CAMK4: variants seen among roughly 807,000 people sequenced by gnomAD.
CAMK4 encodes the protein calcium/calmodulin-dependent protein kinase type IV.
In CAMK4, 22 loss-of-function variants were observed where a neutral mutation model predicts 44.9. That is an observed-to-expected ratio of 0.49 (90% CI 0.35 to 0.70). CAMK4 has a LOEUF of 0.70. CAMK4 is among the 30% of genes least tolerant of loss of function. The pLI is 0.01. For missense variants in CAMK4, 498 were observed against 586.8 expected, an observed-to-expected ratio of 0.85 and a Z score of 1.56; for synonymous variants, 218 against 215.4, an observed-to-expected ratio of 1.01 and a Z score of -0.11.
chr5:111,379,571 T>C (rs905990156), intron 4 of CAMK4, among the ~76,000 whole-genome samples: 1 of 152,150 alleles, frequency 6.6e-6, no homozygotes, highest in Non-Finnish European at 1.5e-5. Flanking sequence ...TCTTTAAATT[T>C]TATCAAGCTG....
chr5:111,298,516 T>G (rs961217259), intron 1 of CAMK4, among the ~76,000 whole-genome samples: 26 of 151,876 alleles, frequency 1.7e-4, no homozygotes, highest in Admixed American at 1.1e-3. Flanking sequence ...GGACGTAGAG[T>G]GGAGATAGGA....
chr5:111,333,625 A>G (rs1749271534), intron 1 of CAMK4, among the ~76,000 whole-genome samples: 1 of 151,582 alleles, frequency 6.6e-6, no homozygotes, highest in South Asian at 2.1e-4. Flanking sequence ...AAATGTCTGA[A>G]ATAAGAGGAG....
chr5:111,480,289 C>CA (rs70973611), intron 9 of CAMK4, among the ~76,000 whole-genome samples: 2 of 148,130 alleles, frequency 1.4e-5, no homozygotes, highest in African/African-American at 2.5e-5. Context: ...CACACACACA[C>CA]CCCTGGGTAA....
At chr5:111,399,504 G>T (rs1257299757) in intron 5 of CAMK4, among the ~76,000 whole-genome samples, 1 of 152,122 alleles carries the variant, frequency 6.6e-6, no homozygotes, top group Non-Finnish European at 1.5e-5. Flanking sequence ...TAGGAACTTT[G>T]TGCTGTTCAC....
chr5:111,349,694 C>T (rs1750013326), intron 2 of CAMK4, among the ~76,000 whole-genome samples: 1 of 151,840 alleles, frequency 6.6e-6, no homozygotes, highest in Non-Finnish European at 1.5e-5. Context: ...TATAGTTTAT[C>T]TTTCTTCCTT....
chr5:111,456,617 G>T (rs559632742), intron 7 of CAMK4, among the ~76,000 whole-genome samples: 1 of 151,846 alleles, frequency 6.6e-6, no homozygotes, highest in East Asian at 1.9e-4. Flanking sequence ...TACTAAATAT[G>T]AATGTGATAG....
At chr5:111,292,371 G>A (rs1043248130) in intron 1 of CAMK4, among the ~76,000 whole-genome samples, 1 of 152,030 alleles carries the variant, frequency 6.6e-6, no homozygotes, top group African/African-American at 2.4e-5. Context: ...AAGTATGAAT[G>A]TATGTGTACA....
chr5:111,331,601 G>A (rs1004585860), intron 1 of CAMK4, among the ~76,000 whole-genome samples: 2 of 151,576 alleles, frequency 1.3e-5, no homozygotes, highest in African/African-American at 4.8e-5. Context: ...TTTTGCCTTT[G>A]TTAGTCCCTA....
chr5:111,236,765 CT>C (rs1561353321), intron 1 of CAMK4, among the ~76,000 whole-genome samples: 2 of 152,180 alleles, frequency 1.3e-5, no homozygotes, highest in Non-Finnish European at 2.9e-5. Flanking sequence ...CAGGTGAATG[CT>C]TTGTCGTCTT....
rs537063548 is a variant in CAMK4, at chr5:111,224,830, G to A, written c.161+186G>A. Among the ~76,000 whole-genome samples the A allele has an allele frequency of 7.9e-5, 12 of 152,196 alleles. No homozygotes were observed. The highest frequency in any genetic ancestry group is 2.9e-4 in the African/African-American group (12 of 41,550). On this transcript the variant is annotated intron_variant, in intron 1 of 10. Transcript: ENST00000282356. This position sits in a 1 kb window ranked among gnomAD's most constrained non-coding sequence, Gnocchi z 5.7. ...CTCGAGTCCTTCCCACCCCACCAGA[G>A]CGCCTAGGCCGGTGCAGCTGTAGGA... is the stretch of plus-strand genomic sequence containing the variant.
rs1429667967 is a variant in CAMK4 at position 111,232,597 on chromosome 5, G to T, written c.161+7953G>T. Among the ~76,000 whole-genome samples, 6 of 152,072 alleles carry T rather than the reference G, an allele frequency of 3.9e-5. No homozygotes were observed. The East Asian group carries it at 1.2e-3, about 29-fold the overall frequency. ...TGTTTAAAAAAAACAAAAAGAGTAG[G>T]CTTGTGTCACTTGAAAACCACTTTG... On this transcript the variant is annotated intron_variant, in intron 1 of 10. Coordinates refer to ENST00000282356, the MANE Select transcript of CAMK4 (RefSeq NM_001744.6).
At chr5:111,224,030 C>T (rs1403220399), upstream of CAMK4, 1 of 162,008 alleles carries the variant, frequency 6.2e-6, no homozygotes, top group African/African-American at 2.4e-5. This position sits in a 1 kb window ranked among gnomAD's most constrained non-coding sequence, Gnocchi z 5.7. Flanking sequence ...CTCCCTCCAG[C>T]TCCGGTCCCC....
rs532395570 is a variant in CAMK4, at chr5:111,480,249, A to AACACACACACACACACACACACACAC, written c.828+1757_828+1782dup. Among the ~76,000 whole-genome samples, 166 of 121,260 alleles carry AACACACACACACACACACACACACAC rather than the reference A, an allele frequency of 1.4e-3. 2 individuals carry two copies. Among genetic ancestry groups the AACACACACACACACACACACACACAC allele is most frequent in the African/African-American group, 3.9e-3 (118 of 30,252 alleles). 79.6% of individuals were successfully genotyped at this position (121,260 alleles called of 152,430 possible). A position where few individuals can be genotyped will look rare whatever the true frequency, so the allele number is the denominator to read the frequency against. On this transcript the variant is annotated intron_variant, in intron 9 of 10. Coordinates refer to ENST00000282356, the MANE Select transcript of CAMK4 (RefSeq NM_001744.6). ...CTTCTCCATTACACATAGGCATGTAAACACACACACACACACACACACACA... is the reference window on the plus strand; with the variant it reads ...CTTCTCCATTACACATAGGCATGTAAACACACACACACACACACACACACACACACACACACACACACACACACACA...
intron 5 of CAMK4, among the ~76,000 whole-genome samples, chr5:111,414,549 T>C (rs980183586): frequency 6.6e-6 from 1 of 152,130 alleles, no homozygotes; most frequent in Non-Finnish European, 1.5e-5. Context: ...CTAGCCTGAT[T>C]CAGGGCAATA....
intron 1 of CAMK4, among the ~76,000 whole-genome samples, chr5:111,229,276 G>C (rs1272659253): frequency 6.6e-6 from 1 of 152,186 alleles, no homozygotes; most frequent in East Asian, 1.9e-4. Flanking sequence ...CTGTTTTGCA[G>C]ATGGCTGCCT....
At chr5:111,475,427 A>G (rs1755202250) in intron 8 of CAMK4, among the ~76,000 whole-genome samples, 1 of 152,236 alleles carries the variant, frequency 6.6e-6, no homozygotes, top group African/African-American at 2.4e-5. Context: ...TGTGGAATGC[A>G]TAAAACTTAA....
chr5:111,328,741 G>T (rs1194622120), intron 1 of CAMK4, among the ~76,000 whole-genome samples: 2 of 151,976 alleles, frequency 1.3e-5, no homozygotes, highest in African/African-American at 4.8e-5. Flanking sequence ...CTTGTAAGTT[G>T]GATTCCTAGG....
intron 5 of CAMK4, among the ~76,000 whole-genome samples, chr5:111,437,999 T>C (rs564265445): frequency 6.6e-6 from 1 of 152,310 alleles, no homozygotes; most frequent in East Asian, 1.9e-4. Flanking sequence ...GCTGGAGTAC[T>C]GCTCATGAAA....
At chr5:111,373,613 G>A (rs868812206) in intron 2 of CAMK4, among the ~76,000 whole-genome samples, 10 of 152,128 alleles carry the variant, frequency 6.6e-5, no homozygotes, top group East Asian at 1.9e-4. Flanking sequence ...ATTGATATGC[G>A]CTTGGATTTC....
Sources: allele counts gnomAD v4.1 joint callset (sites outside exome capture counted in the v4.1 genomes callset), GRCh38; gene constraint gnomAD v4.1.1; non-coding constraint Gnocchi (gnomAD v3.1); transcripts MANE v1.5; gene names NCBI Gene and HGNC (gene_info 2026-07-23, HGNC 2026-07-21).